The following PCDH7 variants were observed in gnomAD, a reference collection of about 807,000 sequenced individuals.
The protein encoded by PCDH7 is protocadherin 7.
In PCDH7, 17 loss-of-function variants were observed where a neutral mutation model predicts 58.9. The ratio of observed to expected loss-of-function variants is 0.29; its 90% CI spans 0.20 to 0.43. The LOEUF is 0.43. PCDH7 is among the 20% of genes least tolerant of loss of function. PCDH7 has a pLI of 1.00. For synonymous variants in PCDH7, 664 were observed against 616.4 expected, an observed-to-expected ratio of 1.08 and a Z score of -1.14; for missense variants, 1,274 against 1,441.0, an observed-to-expected ratio of 0.88 and a Z score of 1.88.
At chr4:31,048,814 C>T (rs1419111566) in intron 3 of PCDH7, among the ~76,000 whole-genome samples, 3 of 152,004 alleles carry the variant, frequency 2.0e-5, no homozygotes, top group African/African-American at 7.2e-5. Flanking sequence ...GCAGTGTAAG[C>T]TCTTCTTCCA....
chr4:30,823,275 C>T (rs1728596044), intron 1 of PCDH7, among the ~76,000 whole-genome samples: 1 of 152,100 alleles, frequency 6.6e-6, no homozygotes, highest in Non-Finnish European at 1.5e-5. Flanking sequence ...TCTTTCACTC[C>T]GATGCCTATG....
chr4:30,730,049 C>G (rs985353821), intron 1 of PCDH7, among the ~76,000 whole-genome samples: 1 of 151,800 alleles, frequency 6.6e-6, no homozygotes, highest in Non-Finnish European at 1.5e-5. Flanking sequence ...ATTTTAACAT[C>G]TTTTCTTTCC....
chr4:30,972,075 G>T (rs1749637195), intron 3 of PCDH7, among the ~76,000 whole-genome samples: 1 of 152,190 alleles, frequency 6.6e-6, no homozygotes, highest in Non-Finnish European at 1.5e-5. Context: ...CACCTAAGAA[G>T]CCTCAGGCTG....
intron 1 of PCDH7, among the ~76,000 whole-genome samples, chr4:30,756,553 G>A (rs1188832415): frequency 1.3e-5 from 2 of 152,138 alleles, no homozygotes; most frequent in African/African-American, 4.8e-5. Flanking sequence ...CCCGAATACG[G>A]TACAACCTCT....
intron 1 of PCDH7, among the ~76,000 whole-genome samples, chr4:30,883,312 C>G (rs1444471096): frequency 6.6e-6 from 1 of 152,196 alleles, no homozygotes; most frequent in Admixed American, 6.5e-5. Context: ...CAAATTCTCC[C>G]AGTACTTACT....
intron 3 of PCDH7, among the ~76,000 whole-genome samples, chr4:31,109,821 A>G (rs187324619): frequency 1.3e-5 from 2 of 152,320 alleles, no homozygotes; most frequent in Admixed American, 1.3e-4. Context: ...TCAGTACTTC[A>G]CCTGATGCTG....
rs568863871 is a variant in PCDH7, at chr4:31,020,370, G to T, written c.*7+70155G>T. Among the ~76,000 whole-genome samples the T allele has an allele frequency of 1.4e-3, 214 of 152,146 alleles. 5 individuals carry two copies. In the East Asian group the frequency reaches 0.022, roughly 15 times the overall value. On this transcript the variant is annotated intron_variant, in intron 3 of 3. Transcript: ENST00000509759. ...TCTCTCCTCTCTCTCTCCCTCTCTC[G>T]CACGCGCGTGCACATGCACGTTCAC...
chr4:31,030,552 A>C (rs536754760), intron 3 of PCDH7, among the ~76,000 whole-genome samples: 1 of 152,142 alleles, frequency 6.6e-6, no homozygotes, highest in Admixed American at 6.5e-5. Flanking sequence ...TGAACAGCAT[A>C]ATTTCATCTT....
In PCDH7 at chr4:30,972,771, C is replaced by T. The variant is rs147310490; in HGVS notation, c.*7+22556C>T. Among the ~76,000 whole-genome samples the T allele has an allele frequency of 1.2e-3, 176 of 152,298 alleles. 2 individuals carry two copies. In the East Asian group the frequency reaches 0.024, roughly 21 times the overall value. Reference sequence around the variant, plus strand: ...TATAAAAATTTAGGCACAATCACGCCTAGTCCATCTCAACTGTACCCCACC... The same window carrying T: ...TATAAAAATTTAGGCACAATCACGCTTAGTCCATCTCAACTGTACCCCACC... On this transcript the variant is annotated intron_variant, in intron 3 of 3. Coordinates refer to the PCDH7 transcript ENST00000509759.
At chr4:30,799,628 T>C in intron 1 of PCDH7, among the ~76,000 whole-genome samples, 1 of 152,270 alleles carries the variant, frequency 6.6e-6, no homozygotes, top group Admixed American at 6.5e-5. Flanking sequence ...TAAGTTTCAG[T>C]GGGAATATGG....
At chr4:31,063,329 G>A (rs902722327) in intron 3 of PCDH7, among the ~76,000 whole-genome samples, 61 of 151,778 alleles carry the variant, frequency 4.0e-4, no homozygotes, top group Middle Eastern at 3.4e-3. Flanking sequence ...TTCTAATGCC[G>A]ACAAATTTTT....
At chr4:30,878,708 G>A (rs1458615780) in intron 1 of PCDH7, among the ~76,000 whole-genome samples, 1 of 152,044 alleles carries the variant, frequency 6.6e-6, no homozygotes, top group Non-Finnish European at 1.5e-5. Context: ...AAATTGTCTG[G>A]GTTTGATGGT....
chr4:30,921,120 A>G (rs1385896203), intron 2 of PCDH7, among the ~76,000 whole-genome samples: 1 of 152,184 alleles, frequency 6.6e-6, no homozygotes, highest in East Asian at 1.9e-4. Flanking sequence ...TTATATTCCC[A>G]GAGATAATTT....
rs367989352 is a variant in PCDH7, at chr4:30,851,014, G to C, written c.71-69139G>C. ...AGATATTAAAGGAAGCCAAGCGATT[G>C]TTCTCTGGAAATTCTTTGTAAAATT... On this transcript the variant is annotated intron_variant, in intron 1 of 3. Transcript: ENST00000509759. Among the ~76,000 whole-genome samples, 192 of 152,102 alleles carry C rather than the reference G, an allele frequency of 1.3e-3. 1 individual carries two copies. Among genetic ancestry groups the C allele is most frequent in the African/African-American group, 4.5e-3 (186 of 41,494 alleles).
chr4:31,041,086 C>T (rs1015199904), intron 3 of PCDH7, among the ~76,000 whole-genome samples: 3 of 152,310 alleles, frequency 2.0e-5, no homozygotes, highest in South Asian at 4.1e-4. Context: ...TTCTGTAATA[C>T]TTCACAAATT....
At chr4:31,020,382 A>G (rs1273839219) in intron 3 of PCDH7, among the ~76,000 whole-genome samples, 1 of 152,202 alleles carries the variant, frequency 6.6e-6, no homozygotes, top group Non-Finnish European at 1.5e-5. Flanking sequence ...ACGCGCGTGC[A>G]CATGCACGTT....
chr4:31,047,591 T>TA (rs1466129344), intron 3 of PCDH7, among the ~76,000 whole-genome samples: 2 of 152,052 alleles, frequency 1.3e-5, no homozygotes, highest in Non-Finnish European at 2.9e-5. Context: ...AGAAATACAG[T>TA]AGAGGCAAAG....
chr4:30,928,516 G>T (rs1744175147), intron 2 of PCDH7, among the ~76,000 whole-genome samples: 1 of 152,112 alleles, frequency 6.6e-6, no homozygotes, highest in Admixed American at 6.5e-5. Flanking sequence ...AAAGGAGAAA[G>T]AATCTCGGCC....
chr4:30,936,441 TA>T (rs1177309475), intron 2 of PCDH7, among the ~76,000 whole-genome samples: 1 of 152,120 alleles, frequency 6.6e-6, no homozygotes, highest in Non-Finnish European at 1.5e-5. Context: ...ATTTATATTT[TA>T]AAAACTAATT....
Sources: allele counts gnomAD v4.1 joint callset (sites outside exome capture counted in the v4.1 genomes callset), GRCh38; gene constraint gnomAD v4.1.1; transcripts MANE v1.5; gene names NCBI Gene and HGNC (gene_info 2026-07-23, HGNC 2026-07-21).